The following TSTD2 variants were observed in gnomAD, a reference collection of about 807,000 sequenced individuals.
TSTD2 encodes thiosulfate sulfurtransferase like domain containing 2, also known as thiosulfate sulfurtransferase/rhodanese-like domain-containing protein 2.
Under a neutral mutation model 47.9 loss-of-function variants are expected in TSTD2, and 37 were observed. That is an observed-to-expected ratio of 0.77 (90% CI 0.59 to 1.02). TSTD2 has a LOEUF of 1.02. TSTD2 is among the 50% of genes least tolerant of loss of function. The pLI, the probability that TSTD2 is intolerant of heterozygous loss-of-function variation, is 0.00. For synonymous variants in TSTD2, 201 were observed against 215.9 expected (o/e 0.93, Z 0.61); for missense variants, 586 against 616.0 (o/e 0.95, Z 0.52).
chr9:97,600,920 G>C lies in TSTD2; in HGVS notation c.*1549C>G. The C allele has an allele frequency of 8.7e-7, 1 of 1,152,958 alleles. No individual in the cohort carries two copies. Among genetic ancestry groups the C allele is most frequent in the Non-Finnish European group, 1.1e-6 (1 of 915,370 alleles). 71.4% of individuals were successfully genotyped at this position (1,152,958 alleles called of 1,614,324 possible). Reference sequence around the variant, plus strand: ...GCCAGTTAAACTAATATTTTTGTTTGTTGCTTTTGGGAGTTATTTTCATTA... The same window carrying C: ...GCCAGTTAAACTAATATTTTTGTTTCTTGCTTTTGGGAGTTATTTTCATTA... On this transcript the variant is annotated 3_prime_UTR_variant, in exon 10 of 10. Coordinates refer to ENST00000341170, the MANE Select transcript of TSTD2 (RefSeq NM_139246.5).
Position 97,631,938 on chromosome 9 carries a change from T to C in TSTD2, c.-51+1305A>G, listed in dbSNP as rs557624284. ...CCTTCCCCCTACCTCTCTGATCTCA[T>C]CTACCACTCTCCCGTTGCTCACTAC... is the stretch of plus-strand genomic sequence containing the variant. On this transcript the variant is annotated intron_variant, in intron 1 of 9. Transcript: ENST00000341170. Among the ~76,000 whole-genome samples the C allele has an allele frequency of 5.3e-5, 8 of 152,300 alleles. No homozygotes were observed. In the East Asian group the frequency reaches 1.5e-3, roughly 29 times the overall value.
At position 97,604,876 on chromosome 9, in the gene TSTD2, A is replaced by G. The variant is rs1826339246; in HGVS notation, c.1114-11T>C. On this transcript the variant is annotated splice_polypyrimidine_tract_variant and intron_variant, in intron 8 of 9. Coordinates refer to ENST00000341170, the MANE Select transcript of TSTD2 (RefSeq NM_139246.5). ...CTCCTTGCACACTCCCTAGGTGTGG[A>G]AAAACAACAGGAAATCTGAAGAGCC... is the stretch of plus-strand genomic sequence containing the variant. 2 of 1,612,210 alleles carry G rather than the reference A, an allele frequency of 1.2e-6. No homozygotes were observed. Among genetic ancestry groups the G allele is most frequent in the Non-Finnish European group, 1.7e-6 (2 of 1,179,316 alleles).
intron 9 of TSTD2, chr9:97,604,244 T>C (rs1826326646): frequency 6.5e-6 from 1 of 153,374 alleles, no homozygotes; most frequent in Non-Finnish European, 1.5e-5. Context: ...TGAATCCTAC[T>C]GAAGACAAAG....
Position 97,627,155 on chromosome 9 carries a change from G to A in TSTD2, c.165+243C>T, listed in dbSNP as rs950761992. Among the ~76,000 whole-genome samples the A allele has an allele frequency of 7.2e-5, 11 of 151,980 alleles. No individual in the cohort carries two copies. The South Asian group carries it at 1.0e-3, about 14-fold the overall frequency. ...TTGTTTATGGTCTTTTTTGACCTGG[G>A]GGGTGGGGAATGAAATCTAATCCAT... On this transcript the variant is annotated intron_variant, in intron 2 of 9. Transcript: ENST00000341170.
rs766245096 is a variant in TSTD2, at chr9:97,611,661, A to C, written c.642T>G (p.Gly214=). 6.2e-7 allele frequency: 1 copy of C among 1,611,356 alleles called. No individual in the cohort carries two copies. The highest frequency in any genetic ancestry group is 1.3e-5 in the African/African-American group (1 of 74,900). Residue 214 remains glycine (G), a synonymous_variant, in exon 5 of 10, where the codon GGT becomes GGG. Transcript: ENST00000341170. The part of the protein sequence containing the change: ...IAAEGINGTV[G]GSKLATRLYV... Reference sequence around the variant, plus strand: ...AAAGTCTGGTAGCCAATTTGCTTCCACCAACTGTCCCATTGATTCCTTCTG... The same window carrying C: ...AAAGTCTGGTAGCCAATTTGCTTCCCCCAACTGTCCCATTGATTCCTTCTG...
At chr9:97,617,994 G>C in intron 3 of TSTD2, 117 bp from the exon 4 acceptor site, 1 of 1,339,218 alleles carries the variant, frequency 7.5e-7, no homozygotes, top group Non-Finnish European at 1.0e-6. Context: ...ACTCATGCCT[G>C]TCTTTGCTGT....
At chr9:97,625,102 A>T (rs1174577680) in intron 3 of TSTD2, among the ~76,000 whole-genome samples, 1 of 152,094 alleles carries the variant, frequency 6.6e-6, no homozygotes, top group Admixed American at 6.5e-5. Context: ...TACCTCAAAA[A>T]ATCTCTTGTG....
chr9:97,600,951 T>A lies in TSTD2; in HGVS notation c.*1518A>T. 4 of 1,134,218 alleles carry A rather than the reference T, an allele frequency of 3.5e-6. No individual in the cohort carries two copies. In the South Asian group the frequency reaches 7.6e-5, roughly 22 times the overall value. 70.3% of individuals were successfully genotyped at this position (1,134,218 alleles called of 1,614,324 possible). On this transcript the variant is annotated 3_prime_UTR_variant, in exon 10 of 10. Coordinates refer to ENST00000341170, the MANE Select transcript of TSTD2 (RefSeq NM_139246.5). Reference sequence around the variant, plus strand: ...TTTGGGAGTTATTTTCATTAGTGATTTCAGCAAATCTCATGATAAAGGACA... The same window carrying A: ...TTTGGGAGTTATTTTCATTAGTGATATCAGCAAATCTCATGATAAAGGACA...
In TSTD2 at chr9:97,602,335, A is replaced by ATCT; in HGVS notation, c.*133_*134insAGA. 1 of 1,056,504 alleles carries ATCT rather than the reference A, an allele frequency of 9.5e-7. No homozygotes were observed. Among genetic ancestry groups the ATCT allele is most frequent in the Non-Finnish European group, 1.3e-6 (1 of 751,556 alleles). 65.4% of individuals were successfully genotyped at this position (1,056,504 alleles called of 1,614,324 possible). ...CCTCCCCTCCCGCTGTGAAGTGTAG[A>ATCT]CGGCTGCCACGGTGGCAGCGGCCAG... is the stretch of plus-strand genomic sequence containing the variant. On this transcript the variant is annotated 3_prime_UTR_variant, in exon 10 of 10. Coordinates refer to ENST00000341170, the MANE Select transcript of TSTD2 (RefSeq NM_139246.5).
chr9:97,631,000 G>A (rs969782988), intron 1 of TSTD2, among the ~76,000 whole-genome samples: 13 of 152,236 alleles, frequency 8.5e-5, no homozygotes, highest in African/African-American at 3.1e-4. Flanking sequence ...CCAAACTTTC[G>A]TCTTCCCCAG....
chr9:97,630,195 GC>G (rs1356653991), intron 1 of TSTD2, among the ~76,000 whole-genome samples: 1 of 152,088 alleles, frequency 6.6e-6, no homozygotes, highest in Non-Finnish European at 1.5e-5. Flanking sequence ...ACTGGACCAT[GC>G]CCAGTTCCAC....
At chr9:97,622,621 C>G (rs1826658587) in intron 3 of TSTD2, among the ~76,000 whole-genome samples, 1 of 152,234 alleles carries the variant, frequency 6.6e-6, no homozygotes, top group Admixed American at 6.5e-5. Flanking sequence ...CAACCCCAGC[C>G]TGTGAAAGCA....
intron 4 of TSTD2, 150 bp from the exon 5 acceptor site, chr9:97,611,849 T>C (rs1031177349): frequency 3.9e-6 from 3 of 765,168 alleles, no homozygotes; most frequent in South Asian, 2.2e-5. Flanking sequence ...GACAAAGATA[T>C]CTGTGTTTTT....
intron 3 of TSTD2, among the ~76,000 whole-genome samples, chr9:97,620,524 G>GT (rs1467317129): frequency 6.6e-6 from 1 of 152,230 alleles, no homozygotes; most frequent in Non-Finnish European, 1.5e-5. Context: ...GGCTGGAACA[G>GT]TTTGGAGGGC....
intron 3 of TSTD2, among the ~76,000 whole-genome samples, chr9:97,623,969 C>T (rs1411666108): frequency 2.0e-5 from 3 of 152,084 alleles, no homozygotes; most frequent in African/African-American, 4.8e-5. Context: ...CTAACTTAGG[C>T]CTCTAGAATT....
chr9:97,628,792 G>A (rs1456671496), intron 1 of TSTD2, among the ~76,000 whole-genome samples: 3 of 152,126 alleles, frequency 2.0e-5, no homozygotes, highest in Admixed American at 6.5e-5. Context: ...CTCACGCTGA[G>A]GAGACCAAAC....
chr9:97,618,835 G>A (rs1826585028), intron 3 of TSTD2, among the ~76,000 whole-genome samples: 1 of 152,160 alleles, frequency 6.6e-6, no homozygotes, highest in South Asian at 2.1e-4. Flanking sequence ...TCTCTTCCAT[G>A]CTTTCCATGC....
chr9:97,610,270 A>T (rs1337059054), intron 6 of TSTD2, 76 bp downstream of exon 6: 3 of 1,322,854 alleles, frequency 2.3e-6, no homozygotes, highest in Non-Finnish European at 3.2e-6. Context: ...TGCTGATCAC[A>T]GTGCCTAGCT....
chr9:97,614,579 GGA>G (rs386736629), intron 4 of TSTD2, among the ~76,000 whole-genome samples: 2 of 152,088 alleles, frequency 1.3e-5, no homozygotes, highest in Non-Finnish European at 2.9e-5. Flanking sequence ...GATCTGGAGA[GGA>G]CTACTTCAGA....
Sources: allele counts gnomAD v4.1 joint callset (sites outside exome capture counted in the v4.1 genomes callset), GRCh38; gene constraint gnomAD v4.1.1; transcripts MANE v1.5; gene names NCBI Gene and HGNC (gene_info 2026-07-23, HGNC 2026-07-21).